MAGI2: variants seen among roughly 807,000 people sequenced by gnomAD.
MAGI2 encodes membrane associated guanylate kinase, WW and PDZ domain containing 2, also known as membrane-associated guanylate kinase, WW and PDZ domain-containing protein 2.
A neutral mutation model predicts 133.3 loss-of-function variants in MAGI2; 35 were observed. The observed-to-expected ratio is 0.26, with a 90% CI of 0.20 to 0.35. The LOEUF is 0.35. MAGI2 is among the 10% of genes least tolerant of loss of function. The probability of loss-of-function intolerance (pLI) is 1.00; values close to 1 mark genes in which losing one functional copy is unlikely to be tolerated. For synonymous variants in MAGI2, 729 were observed against 710.6 expected (o/e 1.03, Z -0.41); for missense variants, 1,636 against 1,863.4 (o/e 0.88, Z 2.25).
intron 2 of MAGI2, among the ~76,000 whole-genome samples, chr7:78,956,016 AAAGTTAAAAAGAC>A (rs1802350454): frequency 6.6e-6 from 1 of 151,946 alleles, no homozygotes; most frequent in Non-Finnish European, 1.5e-5. Context: ...GAATTTTTAA[AAAGTTAAAAAGAC>A]ACAGTTCCTA....
At chr7:79,053,277 T>C (rs1812845277) in intron 1 of MAGI2, among the ~76,000 whole-genome samples, 1 of 152,166 alleles carries the variant, frequency 6.6e-6, no homozygotes, top group African/African-American at 2.4e-5. Context: ...CCGGCTGCTA[T>C]TCTTATATAC....
rs1562892763 is a variant in MAGI2, at chr7:79,103,709, A to T, written c.302-96503T>A. Among the ~76,000 whole-genome samples, 6 of 150,788 alleles carry T rather than the reference A, an allele frequency of 4.0e-5. No individual in the cohort carries two copies. In the South Asian group the frequency reaches 6.3e-4, roughly 16 times the overall value. On this transcript the variant is annotated intron_variant, in intron 1 of 21. Coordinates refer to ENST00000354212, the MANE Select transcript of MAGI2 (RefSeq NM_012301.4). ...TTTATTTATTTATTTTTTATTTTTT[A>T]TTTTTTTTGAGACAGAGTCTCAGTC...
Position 78,167,952 on chromosome 7 carries a change from C to T in MAGI2, c.2560G>A (p.Val854Ile), listed in dbSNP as rs1363126183. ...ACCTTTCTTCTCACAGTGAGGTTGA[C>T]CTGCCCATTGCGGGCTGCGTGGTGC... is the stretch of plus-strand genomic sequence containing the variant. ...LMHHAARNGQ[V>I]NLTVRRKVLC... is the part of the protein sequence containing the mutation. Residue 854 changes from valine (V) to isoleucine (I), a missense_variant, in exon 15 of 22, where the codon GTC (valine) becomes ATC (isoleucine). Val to Ile is a conservative substitution (Grantham distance 29). This residue lies in a region of MAGI2 where 920 missense variants were observed against 1,093.5 expected (regional missense o/e 0.84). Coordinates refer to ENST00000354212, the MANE Select transcript of MAGI2 (RefSeq NM_012301.4). 6.2e-7 allele frequency: 1 copy of T among 1,614,148 alleles called. No individual in the cohort carries two copies. The highest frequency in any genetic ancestry group is 1.7e-5 in the Admixed American group (1 of 60,018).
At chr7:78,411,488 A>G (rs1285196577) in intron 6 of MAGI2, among the ~76,000 whole-genome samples, 4 of 152,064 alleles carry the variant, frequency 2.6e-5, no homozygotes, top group African/African-American at 4.8e-5. Context: ...CTAAAGTTTG[A>G]CAGTAGGCTA....
At chr7:78,413,531 A>G (rs540787516) in intron 6 of MAGI2, among the ~76,000 whole-genome samples, 1 of 152,162 alleles carries the variant, frequency 6.6e-6, no homozygotes, top group East Asian at 1.9e-4. Flanking sequence ...TGCCTAATAA[A>G]CAGTTGGAAG....
chr7:78,373,015 G>T (rs181289044), intron 6 of MAGI2, among the ~76,000 whole-genome samples: 36 of 152,136 alleles, frequency 2.4e-4, no homozygotes, highest in African/African-American at 7.9e-4. Context: ...AACAGTCGGG[G>T]TTCCGTTGTG....
intron 6 of MAGI2, among the ~76,000 whole-genome samples, chr7:78,482,353 A>T (rs1277093558): frequency 1.3e-5 from 2 of 151,924 alleles, no homozygotes; most frequent in Non-Finnish European, 2.9e-5. Context: ...GTTTGTCCTA[A>T]AACTGAAACG....
intron 1 of MAGI2, among the ~76,000 whole-genome samples, chr7:79,138,699 T>C (rs1585023621): frequency 6.6e-6 from 1 of 151,848 alleles, no homozygotes; most frequent in Non-Finnish European, 1.5e-5. Context: ...ATATGACTGG[T>C]GTAGTTATAA....
chr7:79,127,381 T>G (rs1219053450), intron 1 of MAGI2, among the ~76,000 whole-genome samples: 2 of 152,118 alleles, frequency 1.3e-5, no homozygotes, highest in Non-Finnish European at 2.9e-5. Context: ...CCACACTGAC[T>G]TCCACAATGG....
At chr7:78,904,889 G>A (rs764354891) in intron 2 of MAGI2, among the ~76,000 whole-genome samples, 18 of 152,270 alleles carry the variant, frequency 1.2e-4, no homozygotes, top group Middle Eastern at 3.4e-3. Context: ...CAGGTCTTCA[G>A]TTCGATGGCA....
At chr7:78,433,585 A>C (rs1799994952) in intron 6 of MAGI2, among the ~76,000 whole-genome samples, 1 of 152,162 alleles carries the variant, frequency 6.6e-6, no homozygotes, top group African/African-American at 2.4e-5. Flanking sequence ...AACAGCATAA[A>C]GTGGTTTGTC....
chr7:78,070,162 T>C (rs867605772), intron 21 of MAGI2, among the ~76,000 whole-genome samples: 750 of 53,518 alleles, frequency 0.014, 11 homozygotes, highest in African/African-American at 0.045. Flanking sequence ...CACATATATA[T>C]ACACACACAC....
chr7:78,486,170 G>A (rs1227808578), intron 6 of MAGI2: 1 of 152,072 alleles, frequency 6.6e-6, no homozygotes, highest in Non-Finnish European at 1.5e-5. Flanking sequence ...AAACATAGAT[G>A]TGAGAGATTT....
At chr7:79,079,161 A>G (rs1418359761) in intron 1 of MAGI2, among the ~76,000 whole-genome samples, 2 of 152,118 alleles carry the variant, frequency 1.3e-5, no homozygotes, top group Non-Finnish European at 2.9e-5. Flanking sequence ...TTATAATATA[A>G]AATCACTCAG....
chr7:79,118,895 T>C (rs1667398560), intron 1 of MAGI2, among the ~76,000 whole-genome samples: 1 of 152,144 alleles, frequency 6.6e-6, no homozygotes, highest in Admixed American at 6.6e-5. Context: ...GGAAGACGAT[T>C]TATTCTTCTT....
chr7:79,290,939 T>C (rs544648350), intron 1 of MAGI2, among the ~76,000 whole-genome samples: 2 of 152,188 alleles, frequency 1.3e-5, no homozygotes, highest in African/African-American at 4.8e-5. Context: ...TAAAAATAGA[T>C]AAAACATAAA....
chr7:78,642,420 A>G (rs1367799904), intron 2 of MAGI2, among the ~76,000 whole-genome samples: 1 of 152,220 alleles, frequency 6.6e-6, no homozygotes, highest in Non-Finnish European at 1.5e-5. Context: ...TCTGTGTTGC[A>G]TTGCAGCAAA....
At chr7:78,390,494 T>G (rs1795801117) in intron 6 of MAGI2, among the ~76,000 whole-genome samples, 1 of 152,260 alleles carries the variant, frequency 6.6e-6, no homozygotes, top group Non-Finnish European at 1.5e-5. Flanking sequence ...GTCCATCGTA[T>G]AGTTCTCTGA....
Position 78,605,569 on chromosome 7 carries a change from A to G in MAGI2, c.538+21551T>C, listed in dbSNP as rs1009704273. Among the ~76,000 whole-genome samples, 9 of 152,340 alleles carry G rather than the reference A, an allele frequency of 5.9e-5. No homozygotes were observed. In the East Asian group the frequency reaches 1.5e-3, roughly 26 times the overall value. ...AAAAGTCCAGTAGAGTGACAAAAAA[A>G]CTGCCAAATCAAAATATTATAATTC... On this transcript the variant is annotated intron_variant, in intron 3 of 21. Transcript: ENST00000354212.
Sources: allele counts gnomAD v4.1 joint callset (sites outside exome capture counted in the v4.1 genomes callset), GRCh38; gene constraint gnomAD v4.1.1; regional missense constraint gnomAD v4.1.1; transcripts MANE v1.5; gene names NCBI Gene and HGNC (gene_info 2026-07-23, HGNC 2026-07-21).